NAA25: variants seen among roughly 807,000 people sequenced by gnomAD.
NAA25 encodes N-alpha-acetyltransferase 25, NatB auxiliary subunit.
A neutral mutation model predicts 132.5 loss-of-function variants in NAA25; 30 were observed. That is an observed-to-expected ratio of 0.23 (90% CI 0.17 to 0.31). NAA25 has a LOEUF of 0.31. Among genes scored for constraint, NAA25 ranks in the 10% least tolerant of loss-of-function variants. The probability of loss-of-function intolerance (pLI) is 1.00; values close to 1 mark genes in which losing one functional copy is unlikely to be tolerated. For missense variants in NAA25, 771 were observed against 1,150.4 expected, an observed-to-expected ratio of 0.67 and a Z score of 4.77; for synonymous variants, 359 against 401.9, an observed-to-expected ratio of 0.89 and a Z score of 1.28.
intron 20 of NAA25, 40 bp from the exon 21 acceptor site, chr12:112,040,618 T>G (rs2078289129): frequency 9.3e-7 from 1 of 1,078,468 alleles, no homozygotes; most frequent in Admixed American, 2.0e-5. Context: ...CAGCTTTTGT[T>G]TCAATGCTAT....
At chr12:112,057,717 G>A (rs534653106) in intron 13 of NAA25, among the ~76,000 whole-genome samples, 26 of 152,166 alleles carry the variant, frequency 1.7e-4, no homozygotes, top group Admixed American at 3.9e-4. Flanking sequence ...TAGGCCGGGC[G>A]CAGTGGCTCA....
At chr12:112,051,032 A>T (rs1351214996) in intron 15 of NAA25, among the ~76,000 whole-genome samples, 1 of 152,210 alleles carries the variant, frequency 6.6e-6, no homozygotes, top group Non-Finnish European at 1.5e-5. Context: ...GATGCATAGT[A>T]TAGAGCTCTG....
At chr12:112,106,139 T>C (rs1593848264) in intron 1 of NAA25, among the ~76,000 whole-genome samples, 1 of 152,348 alleles carries the variant, frequency 6.6e-6, no homozygotes, top group Non-Finnish European at 1.5e-5. Context: ...TTAGAATTAC[T>C]GAAGAAAGCC....
chr12:112,088,016 C>CTA (rs1250122555), intron 3 of NAA25, among the ~76,000 whole-genome samples: 1 of 152,092 alleles, frequency 6.6e-6, no homozygotes, highest in Non-Finnish European at 1.5e-5. Flanking sequence ...ACATATAAGA[C>CTA]CTTATAGGAT....
chr12:112,041,913 G>A (rs2078305365), intron 20 of NAA25, 126 bp downstream of exon 20: 2 of 574,260 alleles, frequency 3.5e-6, no homozygotes, highest in Non-Finnish European at 6.1e-6. Flanking sequence ...TAGGAGTATT[G>A]ACTCCAAAGT....
chr12:112,060,000 GT>G (rs1276334795), intron 13 of NAA25, among the ~76,000 whole-genome samples: 1 of 152,012 alleles, frequency 6.6e-6, no homozygotes, highest in African/African-American at 2.4e-5. Context: ...TAGAGACGAA[GT>G]TTTTTGCATT....
intron 11 of NAA25, among the ~76,000 whole-genome samples, chr12:112,063,583 T>C (rs940787919): frequency 3.3e-5 from 5 of 152,130 alleles, no homozygotes; most frequent in Non-Finnish European, 7.4e-5. Context: ...CAAACAGGCA[T>C]TTTGGAATGG....
chr12:112,092,158 T>C (rs1259956970), intron 2 of NAA25, among the ~76,000 whole-genome samples: 1 of 151,638 alleles, frequency 6.6e-6, no homozygotes, highest in East Asian at 2.0e-4. Flanking sequence ...GGAGAATTGC[T>C]TGAACCCAGG....
At chr12:112,100,693 C>T (rs77070496) in intron 1 of NAA25, among the ~76,000 whole-genome samples, 2,256 of 143,756 alleles carry the variant, frequency 0.016, 71 homozygotes, top group African/African-American at 0.055. Flanking sequence ...GATCTTGGCT[C>T]GCTGCATGCT....
chr12:112,069,001 C>G lies in NAA25; in HGVS notation c.1037-9G>C. On this transcript the variant is annotated splice_polypyrimidine_tract_variant and intron_variant, in intron 10 of 23. Transcript: ENST00000261745. Reference sequence around the variant, plus strand: ...TAATTCTTCTGGATCACCTGGGGGACGGGGAACAAAATCACTTTATTACTC... The same window carrying G: ...TAATTCTTCTGGATCACCTGGGGGAGGGGGAACAAAATCACTTTATTACTC... 1 of 1,494,902 alleles carries G rather than the reference C, an allele frequency of 6.7e-7. No homozygotes were observed. Among genetic ancestry groups the G allele is most frequent in the East Asian group, 2.3e-5 (1 of 44,350 alleles). The allele number at this position is 1,494,902 out of a possible 1,614,324, so 92.6% of individuals were successfully genotyped here. A position where few individuals can be genotyped will look rare whatever the true frequency, so the allele number is the denominator to read the frequency against.
intron 6 of NAA25, 89 bp from the exon 7 acceptor site, chr12:112,078,355 T>TA: frequency 2.1e-6 from 2 of 961,840 alleles, no homozygotes; most frequent in Non-Finnish European, 3.2e-6. Flanking sequence ...AGTTATTTAA[T>TA]AGAGCATGTC....
intron 20 of NAA25, among the ~76,000 whole-genome samples, 196 bp from the exon 21 acceptor site, chr12:112,040,774 A>G (rs554395346): frequency 1.3e-5 from 2 of 152,324 alleles, no homozygotes; most frequent in East Asian, 3.9e-4. Flanking sequence ...CTGTTGCTCT[A>G]TAGTCTTCAA....
At position 112,032,527 on chromosome 12, in the gene NAA25, C is replaced by T. The variant is rs970756256; in HGVS notation, c.2796+706G>A. ...CAGCAGTTTAGCTCAGACAAACTCC[C>T]GGAGGGAAGCATTTTCTTAAGATCA... On this transcript the variant is annotated intron_variant, in intron 23 of 23. Transcript: ENST00000261745. Among the ~76,000 whole-genome samples the T allele has an allele frequency of 5.9e-5, 9 of 152,200 alleles. No homozygotes were observed. The East Asian group carries it at 1.2e-3, about 20-fold the overall frequency.
At position 112,074,697 on chromosome 12, in the gene NAA25, T is replaced by C. The variant is rs1188711958; in HGVS notation, c.844A>G (p.Ser282Gly). 6.2e-7 allele frequency: 1 copy of C among 1,611,308 alleles called. No individual in the cohort carries two copies. The highest frequency in any genetic ancestry group is 1.3e-5 in the African/African-American group (1 of 74,862). The change falls in exon 9 of 24, where the codon AGT becomes GGT. Residue 282 changes from serine to glycine, a missense_variant. Physicochemically the swap from Ser to Gly is moderately conservative, Grantham distance 56. Around this residue, in one of 3 missense-constraint regions of NAA25, gnomAD observed 417 missense variants for 733.8 expected, o/e 0.57. Coordinates refer to ENST00000261745, the MANE Select transcript of NAA25 (RefSeq NM_024953.4). ...SVFRLIEEAW[S>G]PPAEGEHSLE... Reference sequence around the variant, plus strand: ...TACTGTTCACCTTCAGCAGGAGGACTCCAGGCCTCTTCAATCAGTCGAAAG... The same window carrying C: ...TACTGTTCACCTTCAGCAGGAGGACCCCAGGCCTCTTCAATCAGTCGAAAG...
intron 1 of NAA25, among the ~76,000 whole-genome samples, chr12:112,105,324 A>G (rs1003962011): frequency 6.6e-6 from 1 of 152,120 alleles, no homozygotes; most frequent in East Asian, 1.9e-4. Context: ...ATAACGAAAG[A>G]AGGCACTGGG....
chr12:112,071,888 T>C lies in NAA25; in HGVS notation c.1036+7A>G. ...CTCCAGGCTTACCAGATATCATGGT[T>C]TCTTACCCAGTTTGTACTCATCGTT... On this transcript the variant is annotated splice_region_variant and intron_variant, in intron 10 of 23. Transcript: ENST00000261745. 6.2e-7 allele frequency: 1 copy of C among 1,605,590 alleles called. No homozygotes were observed. The highest frequency in any genetic ancestry group is 1.7e-5 in the Admixed American group (1 of 58,518).
Position 112,048,573 on chromosome 12 carries a change from AC to A in NAA25, c.1729-131del, listed in dbSNP as rs1416735162. On this transcript the variant is annotated intron_variant, in intron 15 of 23. Coordinates refer to ENST00000261745, the MANE Select transcript of NAA25 (RefSeq NM_024953.4). The stretch of plus-strand genomic sequence containing the variant: ...AATCTAATCTTTAAAGGTCTTGGTC[AC>A]CAAGTAGAATATTAGCTTTTTAAAA... 5.6e-6 allele frequency: 4 copies of A among 711,974 alleles called. No individual in the cohort carries two copies. The African/African-American group carries it at 7.1e-5, about 13-fold the overall frequency. 44.1% of individuals were successfully genotyped at this position (711,974 alleles called of 1,614,324 possible).
intron 3 of NAA25, among the ~76,000 whole-genome samples, chr12:112,089,821 C>A (rs183163838): frequency 3.3e-5 from 5 of 151,564 alleles, no homozygotes; most frequent in Admixed American, 2.0e-4. Flanking sequence ...TGGTGAAACC[C>A]GTCTCTACTA....
intron 11 of NAA25, among the ~76,000 whole-genome samples, chr12:112,067,173 T>C (rs1399180345): frequency 6.6e-6 from 1 of 151,902 alleles, no homozygotes; most frequent in African/African-American, 2.4e-5. Context: ...CACTCCAGCC[T>C]GGGCGACAGA....
Sources: allele counts gnomAD v4.1 joint callset (sites outside exome capture counted in the v4.1 genomes callset), GRCh38; gene constraint gnomAD v4.1.1; regional missense constraint gnomAD v4.1.1; transcripts MANE v1.5; gene names NCBI Gene and HGNC (gene_info 2026-07-23, HGNC 2026-07-21).